Variants in SPMIP2 observed in about 807,000 individuals in gnomAD.
The protein encoded by SPMIP2 is sperm microtubule inner protein 2, also known as protein SPMIP2.
the SPMIP2 span, among the ~76,000 whole-genome samples, chr4:159,048,098 T>C: frequency 6.6e-6 from 1 of 152,248 alleles, no homozygotes; most frequent in Non-Finnish European, 1.5e-5. Context: ...GGTACTGTTT[T>C]GCCTTTTTGC....
At chr4:158,928,112 A>G in the SPMIP2 span, among the ~76,000 whole-genome samples, 1 of 152,212 alleles carries the variant, frequency 6.6e-6, no homozygotes, top group South Asian at 2.1e-4. Flanking sequence ...ACTGGCAGGC[A>G]GCTCCACCTG....
At chr4:159,068,592 A>G in the SPMIP2 span, among the ~76,000 whole-genome samples, 1 of 152,128 alleles carries the variant, frequency 6.6e-6, no homozygotes, top group Non-Finnish European at 1.5e-5. Flanking sequence ...GCACACCAAC[A>G]TGGCACATGC....
the SPMIP2 span, among the ~76,000 whole-genome samples, chr4:159,080,636 C>T: frequency 6.6e-6 from 1 of 152,192 alleles, no homozygotes; most frequent in African/African-American, 2.4e-5. Context: ...GTGCCCCCCA[C>T]CATCTATTTC....
the SPMIP2 span, chr4:158,906,335 G>A: frequency 2.6e-5 from 4 of 152,158 alleles, no homozygotes; most frequent in Admixed American, 6.5e-5. Flanking sequence ...CATTCCCCTC[G>A]TCTCTAGTTC....
chr4:159,006,455 G>GC, the SPMIP2 span, among the ~76,000 whole-genome samples: 4 of 152,224 alleles, frequency 2.6e-5, no homozygotes, highest in East Asian at 1.9e-4. Context: ...CCTGAAACCT[G>GC]CCCCCCAGCT....
At chr4:158,978,287 T>C in the SPMIP2 span, among the ~76,000 whole-genome samples, 1 of 152,232 alleles carries the variant, frequency 6.6e-6, no homozygotes, top group Admixed American at 6.5e-5. Flanking sequence ...TGAGAGACTG[T>C]TATGATTTCT....
At chr4:158,969,524 A>C in the SPMIP2 span, among the ~76,000 whole-genome samples, 1 of 152,210 alleles carries the variant, frequency 6.6e-6, no homozygotes, top group Non-Finnish European at 1.5e-5. Context: ...TAAACATTAA[A>C]AAATCTGGAA....
the SPMIP2 span, among the ~76,000 whole-genome samples, chr4:158,920,694 T>C: frequency 6.6e-6 from 1 of 152,254 alleles, no homozygotes; most frequent in South Asian, 2.1e-4. Flanking sequence ...ATCAAGACAA[T>C]ACATGCACCA....
At chr4:158,894,493 A>G in the SPMIP2 span, among the ~76,000 whole-genome samples, 1 of 152,106 alleles carries the variant, frequency 6.6e-6, no homozygotes, top group South Asian at 2.1e-4. Flanking sequence ...AAATGCTTTG[A>G]TTTCACGTCT....
At chr4:158,958,382 GC>G in the SPMIP2 span, among the ~76,000 whole-genome samples, 1 of 152,026 alleles carries the variant, frequency 6.6e-6, no homozygotes, top group Non-Finnish European at 1.5e-5. Flanking sequence ...CTCCTGCCTT[GC>G]TGGGCCTCCC....
At chr4:158,907,281 T>C in the SPMIP2 span, 5 of 152,252 alleles carry the variant, frequency 3.3e-5, no homozygotes, top group Admixed American at 1.3e-4. Flanking sequence ...CAATCAGTGT[T>C]AAATAGCTTT....
the SPMIP2 span, among the ~76,000 whole-genome samples, chr4:159,060,719 C>A: frequency 6.6e-6 from 1 of 152,162 alleles, no homozygotes; most frequent in Non-Finnish European, 1.5e-5. Context: ...ATGCCATAAA[C>A]CCTATTTGTG....
At chr4:158,977,286 T>G in the SPMIP2 span, among the ~76,000 whole-genome samples, 41,267 of 151,890 alleles carry the variant, frequency 0.27, 6,261 homozygotes, top group South Asian at 0.41. Flanking sequence ...GTTATTGGTC[T>G]GTTCAGGGAT....
At chr4:159,065,842 A>G in the SPMIP2 span, among the ~76,000 whole-genome samples, 1 of 152,206 alleles carries the variant, frequency 6.6e-6, no homozygotes, top group Non-Finnish European at 1.5e-5. Context: ...AGATTTTGCT[A>G]TATGTCAGAC....
the SPMIP2 span, among the ~76,000 whole-genome samples, chr4:158,932,787 G>C: frequency 6.6e-6 from 1 of 152,188 alleles, no homozygotes; most frequent in East Asian, 1.9e-4. Flanking sequence ...TCAACTTCCA[G>C]TGACTGGTAA....
the SPMIP2 span, among the ~76,000 whole-genome samples, chr4:159,018,245 G>A: frequency 1.3e-5 from 2 of 152,216 alleles, no homozygotes; most frequent in Admixed American, 6.5e-5. Context: ...AACAGCCCAC[G>A]TGGCTGCAGC....
At chr4:158,982,971 C>G in the SPMIP2 span, among the ~76,000 whole-genome samples, 1 of 152,084 alleles carries the variant, frequency 6.6e-6, no homozygotes, top group Non-Finnish European at 1.5e-5. Context: ...CTTAAAGGAG[C>G]TGACGGAGCT....
At chr4:158,977,619 T>C in the SPMIP2 span, among the ~76,000 whole-genome samples, 3 of 139,080 alleles carry the variant, frequency 2.2e-5, no homozygotes, top group African/African-American at 8.2e-5. Flanking sequence ...TTTTTTTTTT[T>C]TTTTTTTCTC....
the SPMIP2 span, among the ~76,000 whole-genome samples, chr4:159,043,555 G>A: frequency 6.6e-6 from 1 of 152,108 alleles, no homozygotes; most frequent in African/African-American, 2.4e-5. Context: ...CACTGTGTTA[G>A]CCAGGATGGT....
Sources: gnomAD v4.1 joint callset for allele counts (sites outside exome capture counted in the v4.1 genomes callset) on GRCh38, gnomAD v4.1.1 for gene constraint, MANE v1.5 for transcripts, NCBI Gene and HGNC (gene_info 2026-07-23, HGNC 2026-07-21) for gene names.